Variants in PLXDC2 observed in about 807,000 individuals in gnomAD.
The protein encoded by PLXDC2 is plexin domain containing 2, also known as plexin domain-containing protein 2.
In PLXDC2, 40 loss-of-function variants were observed where a neutral mutation model predicts 68.9. That is an observed-to-expected ratio of 0.58 (90% CI 0.45 to 0.76). The LOEUF (loss-of-function observed/expected upper bound fraction) is 0.76. PLXDC2 is among the 30% of genes least tolerant of loss of function. The probability of loss-of-function intolerance (pLI) is 0.00; values close to 1 mark genes in which losing one functional copy is unlikely to be tolerated. For synonymous variants in PLXDC2, 243 were observed against 234.2 expected (o/e 1.04, Z -0.34); for missense variants, 644 against 661.9 (o/e 0.97, Z 0.30).
chr10:19,859,019 C>T (rs984515639), intron 1 of PLXDC2, among the ~76,000 whole-genome samples: 7 of 131,040 alleles, frequency 5.3e-5, no homozygotes, highest in African/African-American at 8.1e-5. Flanking sequence ...AGAAAAGCAG[C>T]GAGAGAGAGA....
intron 13 of PLXDC2, among the ~76,000 whole-genome samples, chr10:20,251,595 C>T (rs1835676435): frequency 6.6e-6 from 1 of 152,016 alleles, no homozygotes; most frequent in African/African-American, 2.4e-5. Context: ...TGGTATTCTA[C>T]ACATATCACT....
rs776057528 is a variant in PLXDC2, at chr10:20,177,375, G to A, written c.1027G>A (p.Gly343Ser). ...TGGCCCCTGTGTATCTTCTCAGATT[G>A]GCTTCAACTGCAGTTGGTGTAGTAA... ...RCGPCVSSQI[G>S]FNCSWCSKLQ... The change falls in exon 9 of 14, where the codon GGC becomes AGC. Residue 343 changes from glycine to serine, a missense_variant. By Grantham distance (56) the Gly-to-Ser change is moderately conservative. Around this residue, in one of 3 missense-constraint regions of PLXDC2, gnomAD observed 330 missense variants for 327.9 expected, o/e 1.01. Transcript: ENST00000377252. 1 of 1,598,030 alleles carries A rather than the reference G, an allele frequency of 6.3e-7. No individual in the cohort carries two copies. The highest frequency in any genetic ancestry group is 1.1e-5 in the South Asian group (1 of 90,562).
At chr10:20,115,127 T>C (rs187991813) in intron 4 of PLXDC2, among the ~76,000 whole-genome samples, 52 of 152,320 alleles carry the variant, frequency 3.4e-4, no homozygotes, top group African/African-American at 1.1e-3. Flanking sequence ...ATAGTAGTCG[T>C]GTTGCCATAA....
chr10:20,057,833 C>T (rs1318326596), intron 3 of PLXDC2, among the ~76,000 whole-genome samples: 5 of 151,500 alleles, frequency 3.3e-5, no homozygotes, highest in South Asian at 4.2e-4. Flanking sequence ...AACTCTCGGA[C>T]GCTGTGTTGA....
At chr10:19,887,632 A>T (rs142515127) in intron 1 of PLXDC2, among the ~76,000 whole-genome samples, 16 of 152,350 alleles carry the variant, frequency 1.1e-4, no homozygotes, top group South Asian at 2.1e-4. Flanking sequence ...AAAAAGTGTG[A>T]GTGCATGCAT....
intron 4 of PLXDC2, among the ~76,000 whole-genome samples, chr10:20,069,841 A>G (rs1836286645): frequency 6.6e-6 from 1 of 152,140 alleles, no homozygotes. Flanking sequence ...TAAAGAAAAA[A>G]CAAATGAAAA....
intron 4 of PLXDC2, among the ~76,000 whole-genome samples, chr10:20,142,898 A>G (rs998413910): frequency 6.6e-6 from 1 of 152,056 alleles, no homozygotes; most frequent in African/African-American, 2.4e-5. Flanking sequence ...TACCATGAAA[A>G]TGAATTCACT....
At chr10:19,924,885 A>G (rs570278268) in intron 1 of PLXDC2, among the ~76,000 whole-genome samples, 1 of 152,306 alleles carries the variant, frequency 6.6e-6, no homozygotes, top group African/African-American at 2.4e-5. Flanking sequence ...CAGATGGAAA[A>G]TGGAATTTCC....
At chr10:20,260,433 T>A (rs1236523478) in intron 13 of PLXDC2, among the ~76,000 whole-genome samples, 1 of 152,190 alleles carries the variant, frequency 6.6e-6, no homozygotes, top group Non-Finnish European at 1.5e-5. Context: ...CCACATGTGA[T>A]AGACATCATG....
At position 19,817,169 on chromosome 10, in the gene PLXDC2, G is replaced by T. The variant is rs780346636; in HGVS notation, c.90G>T (p.Gly30=). Residue 30 remains glycine (G), a synonymous_variant, in exon 1 of 14, where the codon GGG becomes GGT. Coordinates refer to ENST00000377252, the MANE Select transcript of PLXDC2 (RefSeq NM_032812.9). ...CGGACCAGTTTCAGTTCGCCGATGGGAAACCCGGAGACCAAATCCTTGGTA... is the reference window on the plus strand; with the variant it reads ...CGGACCAGTTTCAGTTCGCCGATGGTAAACCCGGAGACCAAATCCTTGGTA... ...FFTDQFQFAD[G]KPGDQILDWQ... The T allele has an allele frequency of 1.3e-6, 2 of 1,571,954 alleles. No individual in the cohort carries two copies. The highest frequency in any genetic ancestry group is 1.7e-6 in the Non-Finnish European group (2 of 1,155,530).
chr10:19,966,393 T>TA (rs11452500), intron 1 of PLXDC2, among the ~76,000 whole-genome samples: 27 of 65,824 alleles, frequency 4.1e-4, no homozygotes, highest in African/African-American at 1.3e-3. Flanking sequence ...TGCACATATA[T>TA]AAAATATATA....
chr10:20,154,062 C>A (rs1279318489), intron 6 of PLXDC2, among the ~76,000 whole-genome samples: 1 of 151,860 alleles, frequency 6.6e-6, no homozygotes, highest in Admixed American at 6.6e-5. Flanking sequence ...CAAAAAAAAA[C>A]CGGATCCTTT....
intron 4 of PLXDC2, among the ~76,000 whole-genome samples, chr10:20,081,650 A>G (rs10827959): frequency 0.21 from 31,391 of 151,938 alleles, 3,921 homozygotes; most frequent in African/African-American, 0.35. Flanking sequence ...ATTATTTGCC[A>G]ACAAACAAAC....
At chr10:20,075,078 T>C (rs191722079) in intron 4 of PLXDC2, among the ~76,000 whole-genome samples, 2 of 152,322 alleles carry the variant, frequency 1.3e-5, no homozygotes, top group Non-Finnish European at 2.9e-5. Context: ...TTCTCTGAGA[T>C]AGACCTCCAA....
intron 1 of PLXDC2, among the ~76,000 whole-genome samples, chr10:19,941,171 C>T (rs1833812514): frequency 6.6e-6 from 1 of 152,112 alleles, no homozygotes; most frequent in African/African-American, 2.4e-5. Context: ...AAGACACTTC[C>T]CAGAGAATAG....
chr10:20,062,526 G>A (rs1836125308), intron 3 of PLXDC2, among the ~76,000 whole-genome samples: 1 of 152,086 alleles, frequency 6.6e-6, no homozygotes, highest in Non-Finnish European at 1.5e-5. Context: ...TGTAATTTCA[G>A]GTCTCTGCAA....
At chr10:19,993,000 G>A (rs1312211425) in intron 1 of PLXDC2, among the ~76,000 whole-genome samples, 1 of 152,120 alleles carries the variant, frequency 6.6e-6, no homozygotes. Context: ...TCACGACTCG[G>A]CTCTGGCTGC....
chr10:19,969,677 A>G (rs551127577), intron 1 of PLXDC2, among the ~76,000 whole-genome samples: 3 of 152,326 alleles, frequency 2.0e-5, no homozygotes, highest in South Asian at 4.1e-4. Context: ...CATGAATGCT[A>G]TTGGCCAGTA....
intron 13 of PLXDC2, 37 bp downstream of exon 13, chr10:20,245,542 T>C (rs755028176): frequency 5.7e-6 from 9 of 1,583,718 alleles, no homozygotes; most frequent in South Asian, 4.6e-5. Context: ...ACCACGCCAG[T>C]TGATGAACTG....
Sources: allele counts gnomAD v4.1 joint callset (sites outside exome capture counted in the v4.1 genomes callset), GRCh38; gene constraint gnomAD v4.1.1; regional missense constraint gnomAD v4.1.1; transcripts MANE v1.5; gene names NCBI Gene and HGNC (gene_info 2026-07-23, HGNC 2026-07-21).